The following SORCS3 variants were observed in gnomAD, a reference collection of about 807,000 sequenced individuals.
SORCS3 encodes VPS10 domain-containing receptor SorCS3.
In SORCS3, 57 loss-of-function variants were observed where a neutral mutation model predicts 146.3. That is an observed-to-expected ratio of 0.39 (90% CI 0.31 to 0.49). The LOEUF (loss-of-function observed/expected upper bound fraction) is 0.49. Ranked by LOEUF, SORCS3 falls within the 20% of genes least tolerant of loss-of-function variation. SORCS3 has a pLI of 0.92. For missense variants in SORCS3, 1,341 were observed against 1,575.5 expected, an observed-to-expected ratio of 0.85 and a Z score of 2.52; for synonymous variants, 653 against 618.5, an observed-to-expected ratio of 1.06 and a Z score of -0.83.
At chr10:104,915,513 T>C (rs1462930512) in intron 2 of SORCS3, among the ~76,000 whole-genome samples, 1 of 1,218 alleles carries the variant, frequency 8.2e-4, no homozygotes, top group Non-Finnish European at 1.3e-3. Context: ...CACACAGAGC[T>C]GGGGTGGGGG....
At chr10:105,026,780 G>A (rs952518236) in intron 4 of SORCS3, among the ~76,000 whole-genome samples, 7 of 152,142 alleles carry the variant, frequency 4.6e-5, no homozygotes, top group Non-Finnish European at 8.8e-5. Context: ...TAAACATTGG[G>A]TACACGTGGA....
intron 23 of SORCS3, among the ~76,000 whole-genome samples, chr10:105,254,852 T>TTTCC (rs2056920813): frequency 6.6e-6 from 1 of 152,048 alleles, no homozygotes; most frequent in African/African-American, 2.4e-5. Flanking sequence ...ATCCTGTGAA[T>TTTCC]ACTGTATTTT....
At position 105,023,892 on chromosome 10, in the gene SORCS3, G is replaced by A. The variant is rs1339275388; in HGVS notation, c.955-19163G>A. On this transcript the variant is annotated intron_variant, in intron 4 of 26. Coordinates refer to ENST00000369701, the MANE Select transcript of SORCS3 (RefSeq NM_014978.3). Reference sequence around the variant, plus strand: ...CTCTGGATAGGGATAGGATGGTGGGGAGACAAATAGTATGAAATTATCAAA... The same window carrying A: ...CTCTGGATAGGGATAGGATGGTGGGAAGACAAATAGTATGAAATTATCAAA... Among the ~76,000 whole-genome samples the A allele has an allele frequency of 2.0e-5, 3 of 152,054 alleles. No individual in the cohort carries two copies. In the East Asian group the frequency reaches 5.8e-4, roughly 29 times the overall value.
At chr10:104,886,347 C>G (rs1302137185) in intron 2 of SORCS3, among the ~76,000 whole-genome samples, 1 of 152,018 alleles carries the variant, frequency 6.6e-6, no homozygotes, top group Admixed American at 6.6e-5. Context: ...TTACAGTATT[C>G]CTGAAAATTG....
chr10:105,234,296 C>T (rs1346297762), intron 20 of SORCS3, among the ~76,000 whole-genome samples: 1 of 151,866 alleles, frequency 6.6e-6, no homozygotes, highest in Non-Finnish European at 1.5e-5. Flanking sequence ...TCTAGCTTCT[C>T]TCATGACTTT....
chr10:104,714,953 A>G (rs1564665822), intron 1 of SORCS3, among the ~76,000 whole-genome samples: 1 of 152,188 alleles, frequency 6.6e-6, no homozygotes, highest in Non-Finnish European at 1.5e-5. Flanking sequence ...GAGCTGGGTG[A>G]TGGGTCATAG....
At chr10:104,750,660 G>A (rs2016972901) in intron 1 of SORCS3, among the ~76,000 whole-genome samples, 1 of 152,212 alleles carries the variant, frequency 6.6e-6, no homozygotes, top group Admixed American at 6.5e-5. Context: ...GATATTTATA[G>A]ACTAGAGATC....
At chr10:105,116,078 A>G (rs533980709) in intron 7 of SORCS3, among the ~76,000 whole-genome samples, 2 of 152,230 alleles carry the variant, frequency 1.3e-5, no homozygotes, top group African/African-American at 2.4e-5. Flanking sequence ...TGCATCTCCT[A>G]TATGTGTAAT....
At chr10:104,798,377 G>C (rs1186799826) in intron 1 of SORCS3, among the ~76,000 whole-genome samples, 1 of 152,112 alleles carries the variant, frequency 6.6e-6, no homozygotes, top group Non-Finnish European at 1.5e-5. Flanking sequence ...TGGTGTGAAG[G>C]GTGGGTTTTT....
chr10:104,788,466 A>T (rs2017462470), intron 1 of SORCS3, among the ~76,000 whole-genome samples: 1 of 152,216 alleles, frequency 6.6e-6, no homozygotes, highest in Non-Finnish European at 1.5e-5. Context: ...CTTGCATAAA[A>T]GTGATGTGTA....
chr10:104,843,513 G>A (rs541438577), intron 2 of SORCS3, among the ~76,000 whole-genome samples: 4 of 152,310 alleles, frequency 2.6e-5, no homozygotes, highest in East Asian at 3.9e-4. Flanking sequence ...CACTTTTGGG[G>A]CCTCTAAGAC....
At chr10:105,033,300 G>C (rs1209940276) in intron 4 of SORCS3, among the ~76,000 whole-genome samples, 1 of 152,182 alleles carries the variant, frequency 6.6e-6, no homozygotes, top group African/African-American at 2.4e-5. Context: ...ATAAAAGATA[G>C]TATGGTGTAG....
chr10:104,664,227 G>C, intron 1 of SORCS3, among the ~76,000 whole-genome samples: 1 of 152,140 alleles, frequency 6.6e-6, no homozygotes, highest in East Asian at 1.9e-4. Context: ...CCTTCATGGG[G>C]GAATTGTCAG....
intron 1 of SORCS3, among the ~76,000 whole-genome samples, chr10:104,646,735 A>C (rs2133235617): frequency 6.6e-6 from 1 of 152,234 alleles, no homozygotes; most frequent in Non-Finnish European, 1.5e-5. Context: ...TTCTGCAGTA[A>C]GTTTGAAGGA....
chr10:105,182,887 G>T (rs999475658), intron 14 of SORCS3, among the ~76,000 whole-genome samples: 11 of 152,048 alleles, frequency 7.2e-5, no homozygotes, highest in African/African-American at 2.4e-4. Flanking sequence ...ATTTTTTATA[G>T]AGGTGGGGTT....
chr10:104,649,003 A>C (rs1392118292), intron 1 of SORCS3, among the ~76,000 whole-genome samples: 1 of 152,184 alleles, frequency 6.6e-6, no homozygotes, highest in Non-Finnish European at 1.5e-5. Flanking sequence ...CACTGGAAAG[A>C]GAAAAAACCT....
chr10:105,125,626 G>A (rs1037938869), intron 7 of SORCS3, among the ~76,000 whole-genome samples: 3 of 150,094 alleles, frequency 2.0e-5, no homozygotes, highest in African/African-American at 7.4e-5. Context: ...TAAGTACATA[G>A]AGCTTTAACA....
intron 8 of SORCS3, among the ~76,000 whole-genome samples, chr10:105,147,136 C>T (rs2056136861): frequency 6.6e-6 from 1 of 152,134 alleles, no homozygotes; most frequent in South Asian, 2.1e-4. Flanking sequence ...TCTAGAGCCC[C>T]ACTCATTGGT....
At chr10:105,236,754 C>A (rs893113847) in intron 20 of SORCS3, among the ~76,000 whole-genome samples, 4 of 152,062 alleles carry the variant, frequency 2.6e-5, no homozygotes. Context: ...ATTGGGGATT[C>A]TAGTTTATAC....
Sources: allele counts gnomAD v4.1 joint callset (sites outside exome capture counted in the v4.1 genomes callset), GRCh38; gene constraint gnomAD v4.1.1; transcripts MANE v1.5; gene names NCBI Gene and HGNC (gene_info 2026-07-23, HGNC 2026-07-21).